SF3A1: variants seen among roughly 807,000 people sequenced by gnomAD.
The protein encoded by SF3A1 is splicing factor 3a subunit 1.
A neutral mutation model predicts 89.9 loss-of-function variants in SF3A1; 13 were observed. The ratio of observed to expected loss-of-function variants is 0.14; its 90% CI spans 0.09 to 0.23. The LOEUF is 0.23. SF3A1 is among the 10% of genes least tolerant of loss of function. The pLI is 1.00. For synonymous variants in SF3A1, 405 were observed against 374.4 expected (o/e 1.08, Z -0.94); for missense variants, 604 against 1,022.1 (o/e 0.59, Z 5.58).
intron 2 of SF3A1, 71 bp from the exon 3 acceptor site, chr22:30,346,590 T>G: frequency 6.5e-7 from 1 of 1,549,946 alleles, no homozygotes; most frequent in Non-Finnish European, 8.8e-7. Context: ...ACACTGCCCA[T>G]TGGAACGTCC....
At position 30,340,368 on chromosome 22, in the gene SF3A1, C is replaced by A. The variant is rs777663467; in HGVS notation, c.1203G>T (p.Leu401Phe). ...KDYDPKASKP[L>F]PPAPAPDEYL... ...ACTCATCTGGAGCAGGGGCTGGAGG[C>A]AAGGGCTTGGAGGCTAAAAGGAAAC... The change falls in exon 9 of 16, where the codon TTG becomes TTT. Residue 401 changes from leucine (L) to phenylalanine (F), a missense_variant. This residue lies in a region of SF3A1 where 146 missense variants were observed against 228.5 expected (regional missense o/e 0.64). Transcript: ENST00000215793. 1 of 1,611,776 alleles carries A rather than the reference C, an allele frequency of 6.2e-7. No individual in the cohort carries two copies. Among genetic ancestry groups the A allele is most frequent in the Non-Finnish European group, 8.5e-7 (1 of 1,179,446 alleles).
At chr22:30,345,977 C>T (rs371801686) in intron 3 of SF3A1, among the ~76,000 whole-genome samples, 289 of 152,210 alleles carry the variant, frequency 1.9e-3, no homozygotes, top group African/African-American at 6.5e-3. Context: ...GAAGTGCTGC[C>T]CTCACATCAC....
intron 2 of SF3A1, 126 bp downstream of exon 2, chr22:30,352,825 T>A: frequency 8.8e-7 from 1 of 1,136,240 alleles, no homozygotes. Flanking sequence ...CAGTGCCATG[T>A]TGTGGTTTTT....
intron 2 of SF3A1, among the ~76,000 whole-genome samples, chr22:30,349,930 C>A (rs1157039430): frequency 2.0e-5 from 3 of 152,082 alleles, no homozygotes; most frequent in African/African-American, 7.2e-5. Context: ...CAGGCGTGAG[C>A]CACCTAACCT....
chr22:30,340,598 C>T, intron 8 of SF3A1, 97 bp downstream of exon 8: 1 of 870,174 alleles, frequency 1.1e-6, no homozygotes, highest in Non-Finnish European at 1.9e-6. Context: ...CAATAAGCTG[C>T]ACCTCAAGCC....
chr22:30,345,450 G>A (rs1460240058), intron 3 of SF3A1, among the ~76,000 whole-genome samples: 1 of 152,182 alleles, frequency 6.6e-6, no homozygotes, highest in Non-Finnish European at 1.5e-5. Flanking sequence ...CTCCTGCCTT[G>A]AAATTGAGGG....
At chr22:30,340,921 C>T in intron 7 of SF3A1, 109 bp from the exon 8 acceptor site, 1 of 713,558 alleles carries the variant, frequency 1.4e-6, no homozygotes, top group Non-Finnish European at 2.4e-6. Context: ...TGCCAGCCAG[C>T]GTCCATGTGC....
chr22:30,348,369 A>C lies in SF3A1; in HGVS notation c.186-1850T>G, dbSNP rs554606535. On this transcript the variant is annotated intron_variant, in intron 2 of 15. Coordinates refer to ENST00000215793, the MANE Select transcript of SF3A1 (RefSeq NM_005877.6). ...GTTTAAGAGGGGGTGGGAGCCCGGC[A>C]CAGTGGCGCACACTTGTAGTCCCAG... Among the ~76,000 whole-genome samples the C allele has an allele frequency of 3.3e-5, 5 of 152,350 alleles. No homozygotes were observed. The South Asian group carries it at 1.0e-3, about 32-fold the overall frequency.
At chr22:30,336,921 G>A in intron 13 of SF3A1, 105 bp downstream of exon 13, 7 of 1,387,600 alleles carry the variant, frequency 5.0e-6, no homozygotes, top group Non-Finnish European at 7.1e-6. Flanking sequence ...CTAGGCCCCA[G>A]AAGCCAAGAC....
Position 30,335,513 on chromosome 22 carries a change from T to A in SF3A1, c.2234A>T (p.His745Leu), listed in dbSNP as rs1004391650. The A allele has an allele frequency of 3.1e-6, 5 of 1,614,220 alleles. No homozygotes were observed. Among genetic ancestry groups the A allele is most frequent in the Non-Finnish European group, 4.2e-6 (5 of 1,180,032 alleles). The change falls in exon 15 of 16, where the codon CAT becomes CTT. Residue 745 changes from histidine to leucine, a missense_variant. By Grantham distance (99) the His-to-Leu change is moderately conservative (BLOSUM62 -3). Coordinates refer to ENST00000215793, the MANE Select transcript of SF3A1 (RefSeq NM_005877.6). The stretch of plus-strand genomic sequence containing the variant: ...CCCTGCAGGCATGCCTGTGGCTTCA[T>A]GAATCTTCACCTTAATGACAGAGAC... ...DQVSVIKVKI[H>L]EATGMPAGKQ...
Position 30,335,547 on chromosome 22 carries a change from T to C in SF3A1, c.2209-9A>G. 1 of 1,614,140 alleles carries C rather than the reference T, an allele frequency of 6.2e-7. No homozygotes were observed. The highest frequency in any genetic ancestry group is 8.5e-7 in the Non-Finnish European group (1 of 1,179,970). ...ACCTTAATGACAGAGACCTGTGGGA[T>C]CAAGCAGCGGTCATTCAACTCCTTG... On this transcript the variant is annotated splice_polypyrimidine_tract_variant and intron_variant, in intron 14 of 15. Transcript: ENST00000215793.
intron 2 of SF3A1, 125 bp downstream of exon 2, chr22:30,352,826 T>A (rs1049258137): frequency 3.0e-5 from 34 of 1,152,216 alleles, no homozygotes; most frequent in Non-Finnish European, 1.6e-5. Flanking sequence ...AGTGCCATGT[T>A]GTGGTTTTTT....
intron 3 of SF3A1, 45 bp from the exon 4 acceptor site, chr22:30,345,235 A>G: frequency 6.5e-7 from 1 of 1,550,076 alleles, no homozygotes; most frequent in Non-Finnish European, 8.8e-7. Flanking sequence ...AGGGGTGAAC[A>G]GGCTCCAGGG....
chr22:30,353,190 G>C, intron 1 of SF3A1, 118 bp from the exon 2 acceptor site: 2 of 1,284,296 alleles, frequency 1.6e-6, no homozygotes, highest in Non-Finnish European at 2.1e-6. Flanking sequence ...ACTTCCCTCA[G>C]GTTAGAACCC....
chr22:30,346,780 A>C (rs544039912), intron 2 of SF3A1, among the ~76,000 whole-genome samples: 6 of 152,092 alleles, frequency 3.9e-5, no homozygotes, highest in Non-Finnish European at 8.8e-5. Context: ...CCATTTCCAA[A>C]ACCATCTAGG....
chr22:30,343,732 G>C (rs568890279), intron 4 of SF3A1, among the ~76,000 whole-genome samples: 32 of 152,306 alleles, frequency 2.1e-4, no homozygotes, highest in African/African-American at 7.7e-4. Context: ...AATTAATCCA[G>C]GGTTCATTTA....
At chr22:30,355,600 C>T (rs1931771502) in intron 1 of SF3A1, among the ~76,000 whole-genome samples, 1 of 152,176 alleles carries the variant, frequency 6.6e-6, no homozygotes, top group African/African-American at 2.4e-5. Context: ...AGTTCAAATC[C>T]TAAGTAAGAA....
In SF3A1 at chr22:30,352,893, G is replaced by A. The variant is rs1601701679; in HGVS notation, c.185+58C>T. The A allele has an allele frequency of 2.5e-6, 4 of 1,601,502 alleles. No homozygotes were observed. The East Asian group carries it at 6.7e-5, about 27-fold the overall frequency. On this transcript the variant is annotated intron_variant, in intron 2 of 15. Transcript: ENST00000215793. ...CTTTAAAAACCCTTGTGCTGATTCAGTGCTGAAGTCTCTTCATGCTGAAAC... is the reference window on the plus strand; with the variant it reads ...CTTTAAAAACCCTTGTGCTGATTCAATGCTGAAGTCTCTTCATGCTGAAAC...
chr22:30,347,985 G>A (rs763295424), intron 2 of SF3A1, among the ~76,000 whole-genome samples: 2 of 152,188 alleles, frequency 1.3e-5, no homozygotes, highest in African/African-American at 2.4e-5. Context: ...GGGACTACAG[G>A]CATATACCAC....
Sources: allele counts gnomAD v4.1 joint callset (sites outside exome capture counted in the v4.1 genomes callset), GRCh38; gene constraint gnomAD v4.1.1; regional missense constraint gnomAD v4.1.1; transcripts MANE v1.5; gene names NCBI Gene and HGNC (gene_info 2026-07-23, HGNC 2026-07-21).